The following SLC47A2 variants were observed in gnomAD, a reference collection of about 807,000 sequenced individuals.
SLC47A2 encodes solute carrier family 47 member 2.
SLC47A2 carries 52 observed loss-of-function variants against 67.7 expected under a neutral mutation model. The observed-to-expected ratio is 0.77, with a 90% CI of 0.61 to 0.97. The LOEUF is 0.97. Ranked by LOEUF, SLC47A2 falls within the 50% of genes least tolerant of loss-of-function variation. The probability of loss-of-function intolerance (pLI) is 0.00; values close to 1 mark genes in which losing one functional copy is unlikely to be tolerated. For missense variants in SLC47A2, 676 were observed against 712.3 expected (o/e 0.95, Z 0.58); for synonymous variants, 278 against 292.9 (o/e 0.95, Z 0.52).
At chr17:19,713,749 T>C in intron 4 of SLC47A2, 76 bp downstream of exon 4, 15 of 1,550,346 alleles carry the variant, frequency 9.7e-6, no homozygotes, top group Non-Finnish European at 1.2e-5. Flanking sequence ...GTGTGAGGGC[T>C]GGGCATCTTC....
chr17:19,715,043 G>A (rs947595698), intron 2 of SLC47A2, 73 bp downstream of exon 2: 18 of 1,507,682 alleles, frequency 1.2e-5, no homozygotes, highest in Admixed American at 3.3e-5. Flanking sequence ...CACCCAAGAC[G>A]GGCCCACCCG....
intron 12 of SLC47A2, 46 bp downstream of exon 12, chr17:19,703,046 C>T (rs1352581484): frequency 1.9e-6 from 3 of 1,573,626 alleles, no homozygotes; most frequent in Admixed American, 1.7e-5. Flanking sequence ...CACTGGGAAC[C>T]ACTTTGACAT....
chr17:19,707,885 C>A, intron 7 of SLC47A2, 42 bp from the exon 8 acceptor site: 1 of 1,528,556 alleles, frequency 6.5e-7, no homozygotes, highest in South Asian at 1.2e-5. Flanking sequence ...GATGCCAACT[C>A]TCTGCCACCG....
chr17:19,703,972 C>A, intron 11 of SLC47A2, 98 bp downstream of exon 11: 7 of 913,270 alleles, frequency 7.7e-6, no homozygotes, highest in Non-Finnish European at 1.1e-5. Flanking sequence ...TGGCAGCTCC[C>A]GAGGCCAGCC....
chr17:19,679,708 G>A (rs750385347), intron 16 of SLC47A2, among the ~76,000 whole-genome samples: 1 of 151,952 alleles, frequency 6.6e-6, no homozygotes, highest in Non-Finnish European at 1.5e-5. Context: ...ATCTGAAAAT[G>A]GGCATACATC....
At position 19,681,537 on chromosome 17, in the gene SLC47A2, C is replaced by T. The variant is rs1009609609; in HGVS notation, c.1297+1G>A. 1.2e-6 allele frequency: 2 copies of T among 1,614,088 alleles called. No homozygotes were observed. Among genetic ancestry groups the T allele is most frequent in the African/African-American group, 2.7e-5 (2 of 74,946 alleles). On this transcript the variant is annotated splice_donor_variant, in intron 14 of 16. Transcript: ENST00000433844. LOFTEE classifies it high-confidence loss of function. ...TCTCCCGACTTCCTCACACCACATACCCATGATTCTCATTCTGACCACAAA... is the reference window on the plus strand; with the variant it reads ...TCTCCCGACTTCCTCACACCACATATCCATGATTCTCATTCTGACCACAAA...
intron 13 of SLC47A2, among the ~76,000 whole-genome samples, chr17:19,684,047 A>G (rs1450022988): frequency 1.3e-5 from 2 of 152,204 alleles, no homozygotes; most frequent in Non-Finnish European, 2.9e-5. Flanking sequence ...GACCTGCGGT[A>G]GGCCACAAAA....
intron 13 of SLC47A2, among the ~76,000 whole-genome samples, chr17:19,683,979 G>A (rs949705692): frequency 6.6e-6 from 1 of 152,218 alleles, no homozygotes; most frequent in African/African-American, 2.4e-5. Context: ...GTCTAAGCAA[G>A]TTACTTAACC....
At chr17:19,712,494 A>G (rs533836312) in intron 5 of SLC47A2, among the ~76,000 whole-genome samples, 33 of 152,338 alleles carry the variant, frequency 2.2e-4, no homozygotes, top group African/African-American at 7.9e-4. Context: ...ATTTTCTCCA[A>G]TAAACATTTT....
chr17:19,711,862 C>CTTA (rs1274529405), intron 5 of SLC47A2, among the ~76,000 whole-genome samples: 1 of 151,838 alleles, frequency 6.6e-6, no homozygotes, highest in Non-Finnish European at 1.5e-5. Context: ...TACCACAAAT[C>CTTA]TTATTTATAA....
intron 13 of SLC47A2, among the ~76,000 whole-genome samples, chr17:19,694,103 A>G (rs1271267280): frequency 6.6e-6 from 1 of 152,228 alleles, no homozygotes; most frequent in Non-Finnish European, 1.5e-5. Flanking sequence ...TGAAGACTAT[A>G]AAACATTGCC....
chr17:19,714,598 ACCCCAGGG>A (rs1353440254), intron 3 of SLC47A2, 115 bp downstream of exon 3: 2 of 1,103,494 alleles, frequency 1.8e-6, no homozygotes, highest in Non-Finnish European at 2.7e-6. Flanking sequence ...GGGGCAGCTG[ACCCCAGGG>A]CCCATTGCTC....
Position 19,705,417 on chromosome 17 carries a change from A to G in SLC47A2, c.909+19T>C, listed in dbSNP as rs1449094968. 3.1e-6 allele frequency: 5 copies of G among 1,603,752 alleles called. No homozygotes were observed. Among genetic ancestry groups the G allele is most frequent in the African/African-American group, 2.7e-5 (2 of 74,704 alleles). Reference sequence around the variant, plus strand: ...ATCAGGTGGGGGATGTGGGGAAGGCACCCCTGCAGGAGCCTTACCATGTAG... The same window carrying G: ...ATCAGGTGGGGGATGTGGGGAAGGCGCCCCTGCAGGAGCCTTACCATGTAG... On this transcript the variant is annotated intron_variant, in intron 10 of 16. Transcript: ENST00000433844.
chr17:19,707,316 G>A (rs752085235), intron 8 of SLC47A2, among the ~76,000 whole-genome samples: 14 of 152,194 alleles, frequency 9.2e-5, no homozygotes, highest in Admixed American at 1.3e-4. Flanking sequence ...GCCCCTACAC[G>A]CCTGCTGTTT....
At chr17:19,702,383 G>A in intron 13 of SLC47A2, 4 of 985,388 alleles carry the variant, frequency 4.1e-6, no homozygotes, top group Non-Finnish European at 4.8e-6. Flanking sequence ...TTGCTAATCT[G>A]CATTCACTTT....
intron 13 of SLC47A2, among the ~76,000 whole-genome samples, chr17:19,689,728 A>C (rs985500193): frequency 1.3e-5 from 2 of 151,856 alleles, no homozygotes; most frequent in Non-Finnish European, 2.9e-5. Context: ...GAAATGAATG[A>C]TCCCTACAAT....
Position 19,705,627 on chromosome 17 carries a change from TCTCA to T in SLC47A2, c.842-128_842-125del, listed in dbSNP as rs1343051292. The T allele has an allele frequency of 2.1e-5, 18 of 841,274 alleles. No homozygotes were observed. In the East Asian group the frequency reaches 5.3e-4, roughly 25 times the overall value. The allele number at this position is 841,274 out of a possible 1,614,324, so 52.1% of individuals were successfully genotyped here. On this transcript the variant is annotated intron_variant, in intron 9 of 16. Transcript: ENST00000433844. Reference sequence around the variant, plus strand: ...TTTTTTTTTCTTCCTTGAGACAGGGTCTCACTCTGTCGCTTGAGCTGGAGTGCAG... The same window carrying T: ...TTTTTTTTTCTTCCTTGAGACAGGGTCTCTGTCGCTTGAGCTGGAGTGCAG...
At chr17:19,698,921 G>C (rs2085725443) in intron 13 of SLC47A2, among the ~76,000 whole-genome samples, 1 of 152,166 alleles carries the variant, frequency 6.6e-6, no homozygotes, top group African/African-American at 2.4e-5. Context: ...GGAATTATAA[G>C]TAATCTAGAG....
At chr17:19,704,986 T>A (rs146759012) in intron 10 of SLC47A2, 4 of 371,854 alleles carry the variant, frequency 1.1e-5, no homozygotes, top group African/African-American at 6.2e-5. Flanking sequence ...CCACCATACC[T>A]GGCTAACTTT....
Sources: allele counts gnomAD v4.1 joint callset (sites outside exome capture counted in the v4.1 genomes callset), GRCh38; gene constraint gnomAD v4.1.1; transcripts MANE v1.5; gene names NCBI Gene and HGNC (gene_info 2026-07-23, HGNC 2026-07-21).